CCM2: variants seen among roughly 807,000 people sequenced by gnomAD.
CCM2 encodes the protein cerebral cavernous malformations 2 protein.
Under a neutral mutation model 44.9 loss-of-function variants are expected in CCM2, and 25 were observed. The ratio of observed to expected loss-of-function variants is 0.56; its 90% CI spans 0.41 to 0.78. CCM2 has a LOEUF of 0.78. CCM2 is among the 30% of genes least tolerant of loss of function. The probability of loss-of-function intolerance (pLI) is 0.00; values close to 1 mark genes in which losing one functional copy is unlikely to be tolerated. For missense variants in CCM2, 481 were observed against 580.6 expected, an observed-to-expected ratio of 0.83 and a Z score of 1.76; for synonymous variants, 219 against 241.1, an observed-to-expected ratio of 0.91 and a Z score of 0.85.
intron 1 of CCM2, among the ~76,000 whole-genome samples, chr7:45,006,979 G>A (rs1795871917): frequency 6.6e-6 from 1 of 152,200 alleles, no homozygotes; most frequent in African/African-American, 2.4e-5. Flanking sequence ...AGTTCAGTTT[G>A]TAGATAGAAG....
intron 2 of CCM2, among the ~76,000 whole-genome samples, chr7:45,045,192 G>A (rs1169693926): frequency 6.6e-6 from 1 of 152,180 alleles, no homozygotes; most frequent in Non-Finnish European, 1.5e-5. Context: ...ACAGCTGATA[G>A]AGCAATTTCT....
chr7:45,029,145 T>C (rs1796837358), intron 1 of CCM2, among the ~76,000 whole-genome samples: 1 of 152,140 alleles, frequency 6.6e-6, no homozygotes, highest in African/African-American at 2.4e-5. Flanking sequence ...TCTGTCTCCC[T>C]CTTTAGACTG....
Position 45,040,974 on chromosome 7 carries a change from C to G in CCM2, c.204+2548C>G, listed in dbSNP as rs185803649. Among the ~76,000 whole-genome samples the G allele has an allele frequency of 5.6e-4, 86 of 152,224 alleles. 2 individuals are homozygous for G. Among genetic ancestry groups the G allele is most frequent in the Admixed American group, 1.7e-3 (26 of 15,288 alleles). ...CCCTGCACTCCAGCCTAGGCGACAG[C>G]GTGAGACGCGGTCTTCAAAAACAAA... On this transcript the variant is annotated intron_variant, in intron 2 of 9. Transcript: ENST00000258781.
chr7:45,013,093 ACT>A (rs1796128366), intron 1 of CCM2, among the ~76,000 whole-genome samples: 1 of 150,356 alleles, frequency 6.7e-6, no homozygotes, highest in Non-Finnish European at 1.5e-5. Flanking sequence ...ATTATTTTTA[ACT>A]CTGTTCTATT....
chr7:45,070,588 ACAT>A (rs1799019737), intron 6 of CCM2: 1 of 363,548 alleles, frequency 2.8e-6, no homozygotes, highest in African/African-American at 2.1e-5. Flanking sequence ...GTCTTCAAAA[ACAT>A]CATCTGTTTT....
intron 2 of CCM2, among the ~76,000 whole-genome samples, chr7:45,043,046 C>T (rs756218882): frequency 4.8e-4 from 71 of 148,144 alleles, no homozygotes; most frequent in Non-Finnish European, 8.7e-4. Flanking sequence ...GATCATGGTT[C>T]ACTGCAGCCT....
At position 45,070,169 on chromosome 7, in the gene CCM2, G is replaced by A. The variant is rs1798993829; in HGVS notation, c.745+208G>A. The A allele has an allele frequency of 1.8e-5, 11 of 627,558 alleles. No homozygotes were observed. In the South Asian group the frequency reaches 2.0e-4, roughly 11 times the overall value. 38.9% of individuals were successfully genotyped at this position (627,558 alleles called of 1,614,324 possible). ...CCTGTCCTTGAGAGAGTTGCACCAGGTCAGCGCTATGGCTTCCTGGAATAA... is the reference window on the plus strand; with the variant it reads ...CCTGTCCTTGAGAGAGTTGCACCAGATCAGCGCTATGGCTTCCTGGAATAA... On this transcript the variant is annotated intron_variant, in intron 6 of 9. Coordinates refer to ENST00000258781, the MANE Select transcript of CCM2 (RefSeq NM_031443.4).
chr7:45,029,680 C>A (rs556707011), intron 1 of CCM2, among the ~76,000 whole-genome samples: 1 of 152,314 alleles, frequency 6.6e-6, no homozygotes, highest in South Asian at 2.1e-4. Context: ...ACTCCAGATC[C>A]TGTTCACCCA....
intron 1 of CCM2, among the ~76,000 whole-genome samples, chr7:45,005,019 G>T (rs1795791200): frequency 6.7e-6 from 1 of 150,314 alleles, no homozygotes; most frequent in Admixed American, 6.6e-5. Context: ...AAGGCTCATG[G>T]TCATGACCCA....
chr7:45,032,656 A>T (rs1179474560), intron 1 of CCM2, among the ~76,000 whole-genome samples: 1 of 152,162 alleles, frequency 6.6e-6, no homozygotes, highest in African/African-American at 2.4e-5. Flanking sequence ...GCCTCCCCAG[A>T]TGCCTAGCCT....
Position 45,058,566 on chromosome 7 carries a change from G to A in CCM2, c.205-5352G>A, listed in dbSNP as rs145791452. On this transcript the variant is annotated intron_variant, in intron 2 of 9. Transcript: ENST00000258781. ...TTCCCACCTATGAGTGAGAACATGCGGTGTTTGTTTTTTTGTCCTTGCGAT... is the reference window on the plus strand; with the variant it reads ...TTCCCACCTATGAGTGAGAACATGCAGTGTTTGTTTTTTTGTCCTTGCGAT... Among the ~76,000 whole-genome samples the A allele has an allele frequency of 7.8e-3, 1,163 of 148,684 alleles. 16 individuals carry two copies. Among genetic ancestry groups the A allele is most frequent in the African/African-American group, 0.027 (1,092 of 40,206 alleles).
intron 1 of CCM2, among the ~76,000 whole-genome samples, chr7:45,019,972 G>T (rs1796419990): frequency 1.3e-5 from 2 of 152,162 alleles, no homozygotes; most frequent in African/African-American, 4.8e-5. Flanking sequence ...CCAAAGATTT[G>T]AGGGGACCTT....
At chr7:45,026,089 C>T (rs1796679929) in intron 1 of CCM2, among the ~76,000 whole-genome samples, 1 of 152,120 alleles carries the variant, frequency 6.6e-6, no homozygotes. Flanking sequence ...CTGCAGTAGC[C>T]AAAATAGAGG....
intron 2 of CCM2, among the ~76,000 whole-genome samples, chr7:45,046,410 CA>C (rs1797758606): frequency 1.3e-5 from 2 of 152,036 alleles, no homozygotes; most frequent in African/African-American, 4.8e-5. Context: ...ACACAGAGAT[CA>C]GGGGAGCAAA....
chr7:45,063,799 A>G (rs903240149), intron 2 of CCM2, 119 bp from the exon 3 acceptor site: 6 of 756,950 alleles, frequency 7.9e-6, no homozygotes, highest in Middle Eastern at 4.6e-4. Flanking sequence ...GCCGGAATGG[A>G]GACCCATGGG....
intron 1 of CCM2, among the ~76,000 whole-genome samples, chr7:45,020,530 A>G (rs1796443107): frequency 6.6e-6 from 1 of 152,212 alleles, no homozygotes; most frequent in East Asian, 1.9e-4. Flanking sequence ...ATAATGAAGC[A>G]ATTAATTTTC....
At chr7:45,068,686 C>G in intron 5 of CCM2, 107 bp downstream of exon 5, 1 of 1,409,094 alleles carries the variant, frequency 7.1e-7, no homozygotes, top group South Asian at 1.2e-5. Context: ...CTGCTGGGTG[C>G]CCCAGCTACT....
At chr7:45,066,779 T>G (rs1798797339) in intron 4 of CCM2, among the ~76,000 whole-genome samples, 1 of 152,162 alleles carries the variant, frequency 6.6e-6, no homozygotes, top group South Asian at 2.1e-4. Context: ...CTGCCCACCC[T>G]GCTTCCTTGA....
At chr7:45,022,035 A>G (rs1289922547) in intron 1 of CCM2, among the ~76,000 whole-genome samples, 1 of 152,148 alleles carries the variant, frequency 6.6e-6, no homozygotes, top group Non-Finnish European at 1.5e-5. Flanking sequence ...TGCATGGAAA[A>G]CACCTAGAAG....
Sources: allele counts gnomAD v4.1 joint callset (sites outside exome capture counted in the v4.1 genomes callset), GRCh38; gene constraint gnomAD v4.1.1; transcripts MANE v1.5; gene names NCBI Gene and HGNC (gene_info 2026-07-23, HGNC 2026-07-21).